The following SCEL variants were observed in gnomAD, a reference collection of about 807,000 sequenced individuals.
SCEL encodes sciellin.
Under a neutral mutation model 117.6 loss-of-function variants are expected in SCEL, and 113 were observed. The observed-to-expected ratio is 0.96, with a 90% CI of 0.83 to 1.12. The LOEUF is 1.12. Ranked by LOEUF, SCEL falls within the 50% of genes most tolerant of loss-of-function variation. The pLI is 0.00. For missense variants in SCEL, 785 were observed against 810.8 expected, an observed-to-expected ratio of 0.97 and a Z score of 0.39; for synonymous variants, 270 against 256.2, an observed-to-expected ratio of 1.05 and a Z score of -0.51.
At chr13:77,588,663 A>T (rs889666099) in intron 9 of SCEL, among the ~76,000 whole-genome samples, 10 of 152,192 alleles carry the variant, frequency 6.6e-5, no homozygotes, top group African/African-American at 2.4e-4. Flanking sequence ...ACAATATTTA[A>T]GTCAGATTTA....
At chr13:77,602,886 A>G in intron 17 of SCEL, 173 bp downstream of exon 17, 1 of 641,724 alleles carries the variant, frequency 1.6e-6, no homozygotes, top group Non-Finnish European at 2.6e-6. Flanking sequence ...ACATTTACAT[A>G]TAGCCCAATA....
chr13:77,569,852 A>G (rs1422446787), intron 8 of SCEL, among the ~76,000 whole-genome samples: 1 of 152,168 alleles, frequency 6.6e-6, no homozygotes, highest in Non-Finnish European at 1.5e-5. Context: ...ATGCAGAGTC[A>G]AAGACCCTTT....
chr13:77,565,545 T>C (rs2085241769), intron 5 of SCEL, among the ~76,000 whole-genome samples: 1 of 152,200 alleles, frequency 6.6e-6, no homozygotes, highest in African/African-American at 2.4e-5. Context: ...ACACAGGGGT[T>C]AGTAAAGAAA....
intron 1 of SCEL, among the ~76,000 whole-genome samples, chr13:77,549,693 C>G (rs1024173284): frequency 6.6e-6 from 1 of 152,248 alleles, no homozygotes; most frequent in Non-Finnish European, 1.5e-5. Flanking sequence ...TCCACAGAAG[C>G]CTAGGCCTGC....
intron 1 of SCEL, among the ~76,000 whole-genome samples, chr13:77,551,816 A>G (rs2084344584): frequency 6.7e-6 from 1 of 150,278 alleles, no homozygotes; most frequent in African/African-American, 2.4e-5. Context: ...TTAGCTTTAG[A>G]TATATCTCCT....
At chr13:77,540,361 A>G (rs1456595245) in intron 1 of SCEL, among the ~76,000 whole-genome samples, 3 of 152,008 alleles carry the variant, frequency 2.0e-5, no homozygotes, top group Non-Finnish European at 2.9e-5. Context: ...GTATGTGTGT[A>G]TACTTGTGGG....
Position 77,602,045 on chromosome 13 carries a change from T to C in SCEL, c.918-20T>C, listed in dbSNP as rs1312624687. ...TGCCTCACTCTCTCTTTCTCTTTCT[T>C]TTCCCCCAATGTTGTAAAGAATCCA... On this transcript the variant is annotated intron_variant, in intron 15 of 32. Transcript: ENST00000349847. 1 of 1,594,294 alleles carries C rather than the reference T, an allele frequency of 6.3e-7. No individual in the cohort carries two copies. Among genetic ancestry groups the C allele is most frequent in the South Asian group, 1.1e-5 (1 of 87,612 alleles).
At position 77,556,653 on chromosome 13, in the gene SCEL, A is replaced by G. The variant is rs1387523120; in HGVS notation, c.101A>G (p.Asn34Ser). Reference sequence around the variant, plus strand: ...AAGCAGCAGGATTTTCACGAGGTGAACAAAAGAAGAACTTTCTTACAGGAT... The same window carrying G: ...AAGCAGCAGGATTTTCACGAGGTGAGCAAAAGAAGAACTTTCTTACAGGAT... ...TRKQQDFHEVNKRRTFLQDNS... is the reference protein window; with the variant it reads ...TRKQQDFHEVSKRRTFLQDNS... Residue 34 changes from asparagine to serine, a missense_variant, in exon 3 of 33, where the codon AAC becomes AGC. Physicochemically the swap from Asn to Ser is conservative, Grantham distance 46. Coordinates refer to ENST00000349847, the MANE Select transcript of SCEL (RefSeq NM_144777.3). 3.7e-6 allele frequency: 6 copies of G among 1,614,150 alleles called. No individual in the cohort carries two copies. In the South Asian group the frequency reaches 6.6e-5, roughly 18 times the overall value.
chr13:77,630,012 G>A (rs908682094), intron 28 of SCEL, among the ~76,000 whole-genome samples: 1 of 152,174 alleles, frequency 6.6e-6, no homozygotes, highest in Non-Finnish European at 1.5e-5. Flanking sequence ...AAGGTGAAGG[G>A]ATAGGTAGAG....
At chr13:77,582,155 C>T (rs1289873720) in intron 9 of SCEL, among the ~76,000 whole-genome samples, 1 of 152,174 alleles carries the variant, frequency 6.6e-6, no homozygotes, top group African/African-American at 2.4e-5. Flanking sequence ...AATGGAATCA[C>T]ACATTATATA....
At chr13:77,640,619 A>G in intron 30 of SCEL, 57 bp from the exon 31 acceptor site, 3 of 785,168 alleles carry the variant, frequency 3.8e-6, no homozygotes, top group South Asian at 4.3e-5. Flanking sequence ...TTTATAGGGA[A>G]TACATCTGTC....
chr13:77,622,495 A>C (rs1324407284), intron 27 of SCEL, among the ~76,000 whole-genome samples: 1 of 152,196 alleles, frequency 6.6e-6, no homozygotes, highest in Non-Finnish European at 1.5e-5. Context: ...AACATGGATA[A>C]ATTCTTATAC....
rs866938455 is a variant in SCEL at position 77,602,428 on chromosome 13, C to T, written c.978-226C>T. 12 of 491,976 alleles carry T rather than the reference C, an allele frequency of 2.4e-5. No individual in the cohort carries two copies. The South Asian group carries it at 2.5e-4, about 10-fold the overall frequency. The allele number at this position is 491,976 out of a possible 1,614,324, so 30.5% of individuals were successfully genotyped here. On this transcript the variant is annotated intron_variant, in intron 16 of 32. Transcript: ENST00000349847. The stretch of plus-strand genomic sequence containing the variant: ...AAATATAAAGGACAAAATTGCACAG[C>T]GAGAGCCACATTGAGAAGCCTTTCT...
At chr13:77,552,772 G>T (rs1567340505) in intron 1 of SCEL, among the ~76,000 whole-genome samples, 2 of 152,182 alleles carry the variant, frequency 1.3e-5, no homozygotes, top group Non-Finnish European at 2.9e-5. Context: ...CCTTGCCCAT[G>T]CCTATGTCCT....
At chr13:77,559,917 C>T in intron 4 of SCEL, 54 bp downstream of exon 4, 1 of 1,457,908 alleles carries the variant, frequency 6.9e-7, no homozygotes, top group South Asian at 1.2e-5. Context: ...TGGTAGTTTT[C>T]AGAGAAGACT....
At chr13:77,571,491 C>G (rs1464670647) in intron 8 of SCEL, among the ~76,000 whole-genome samples, 1 of 151,820 alleles carries the variant, frequency 6.6e-6, no homozygotes, top group East Asian at 1.9e-4. Flanking sequence ...GAGTTCGAGA[C>G]CAGCCTGACC....
At chr13:77,606,785 T>A (rs964486130) in intron 19 of SCEL, among the ~76,000 whole-genome samples, 1 of 152,150 alleles carries the variant, frequency 6.6e-6, no homozygotes, top group African/African-American at 2.4e-5. Context: ...AGACAAAACC[T>A]TGGGGCTTTT....
chr13:77,596,232 C>A (rs1262085254), intron 12 of SCEL, among the ~76,000 whole-genome samples: 1 of 151,960 alleles, frequency 6.6e-6, no homozygotes, highest in African/African-American at 2.4e-5. Flanking sequence ...ACTTGGGAGG[C>A]TGAGGCAGGA....
chr13:77,556,982 C>T (rs2154395880), intron 3 of SCEL, among the ~76,000 whole-genome samples: 1 of 152,256 alleles, frequency 6.6e-6, no homozygotes. Context: ...GATGTTTGTG[C>T]TTACTTGGTA....
Sources: gnomAD v4.1 joint callset for allele counts (sites outside exome capture counted in the v4.1 genomes callset) on GRCh38, gnomAD v4.1.1 for gene constraint, MANE v1.5 for transcripts, NCBI Gene and HGNC (gene_info 2026-07-23, HGNC 2026-07-21) for gene names.